HS3ST2: variants seen among roughly 807,000 people sequenced by gnomAD.
HS3ST2 encodes heparan sulfate-glucosamine 3-sulfotransferase 2.
HS3ST2 carries 17 observed loss-of-function variants against 26.3 expected under a neutral mutation model. The ratio of observed to expected loss-of-function variants is 0.65; its 90% confidence interval spans 0.44 to 0.97. HS3ST2 has a LOEUF of 0.97. Among genes scored for constraint, HS3ST2 ranks in the 50% least tolerant of loss-of-function variants. The probability of loss-of-function intolerance (pLI) is 0.00; values close to 1 mark genes in which losing one functional copy is unlikely to be tolerated. For synonymous variants in HS3ST2, 237 were observed against 219.2 expected (o/e 1.08, Z -0.72); for missense variants, 402 against 501.2 (o/e 0.80, Z 1.89).
intron 1 of HS3ST2, among the ~76,000 whole-genome samples, chr16:22,846,015 C>T (rs575201474): frequency 6.6e-5 from 10 of 152,332 alleles, no homozygotes; most frequent in South Asian, 4.1e-4. Context: ...CTGTGGCTTA[C>T]GCCTGTAATC....
chr16:22,850,319 G>A (rs931537824), intron 1 of HS3ST2, among the ~76,000 whole-genome samples: 18 of 152,110 alleles, frequency 1.2e-4, no homozygotes, highest in African/African-American at 4.1e-4. Flanking sequence ...TAATACTCTC[G>A]GTAGGTATAT....
At chr16:22,913,037 C>A (rs1002403162) in intron 1 of HS3ST2, among the ~76,000 whole-genome samples, 6 of 151,714 alleles carry the variant, frequency 4.0e-5, no homozygotes, top group Admixed American at 1.3e-4. Flanking sequence ...AGAAGTATAT[C>A]CCTTCCCTGA....
intron 1 of HS3ST2, among the ~76,000 whole-genome samples, chr16:22,829,003 C>T (rs1316528657): frequency 6.6e-6 from 1 of 152,164 alleles, no homozygotes; most frequent in Non-Finnish European, 1.5e-5. Flanking sequence ...GTACTCAGGT[C>T]AGAGCCACTT....
chr16:22,842,482 G>T (rs1365849299), intron 1 of HS3ST2, among the ~76,000 whole-genome samples: 1 of 151,996 alleles, frequency 6.6e-6, no homozygotes, highest in East Asian at 1.9e-4. Context: ...AGATCTCAAA[G>T]GTATTCCTCT....
At chr16:22,817,131 A>G (rs1003665992) in intron 1 of HS3ST2, among the ~76,000 whole-genome samples, 3 of 151,908 alleles carry the variant, frequency 2.0e-5, no homozygotes, top group African/African-American at 7.2e-5. Flanking sequence ...ATTTTTTTTT[A>G]GCACATTTGG....
At chr16:22,888,864 C>A (rs1294465245) in intron 1 of HS3ST2, among the ~76,000 whole-genome samples, 2 of 152,212 alleles carry the variant, frequency 1.3e-5, no homozygotes, top group Non-Finnish European at 2.9e-5. Flanking sequence ...GGTGCCACTA[C>A]CTCACAGGTT....
chr16:22,847,286 C>T (rs1901448377), intron 1 of HS3ST2, among the ~76,000 whole-genome samples: 1 of 152,138 alleles, frequency 6.6e-6, no homozygotes, highest in Admixed American at 6.5e-5. Context: ...CCGTCAGCTC[C>T]ATCCATGTTC....
chr16:22,904,096 C>T (rs894034802), intron 1 of HS3ST2, among the ~76,000 whole-genome samples: 4 of 152,156 alleles, frequency 2.6e-5, no homozygotes, highest in African/African-American at 9.7e-5. Context: ...ACCTGAATAC[C>T]TGAGGACCTA....
At chr16:22,821,531 A>G (rs1900992187) in intron 1 of HS3ST2, among the ~76,000 whole-genome samples, 1 of 152,022 alleles carries the variant, frequency 6.6e-6, no homozygotes, top group South Asian at 2.1e-4. Context: ...GGCTCAGGGC[A>G]GGTGATAGGG....
At chr16:22,907,983 C>A (rs1016755711) in intron 1 of HS3ST2, among the ~76,000 whole-genome samples, 2 of 152,076 alleles carry the variant, frequency 1.3e-5, no homozygotes, top group African/African-American at 4.8e-5. Flanking sequence ...ACTAAAAATA[C>A]AAAAAATTAG....
chr16:22,839,622 T>G (rs1020311771), intron 1 of HS3ST2, among the ~76,000 whole-genome samples: 2 of 152,182 alleles, frequency 1.3e-5, no homozygotes, highest in African/African-American at 4.8e-5. Context: ...GTATGCTTTT[T>G]TTTTTGTTTT....
In HS3ST2 at chr16:22,858,183, C is replaced by A. The variant is rs116672594; in HGVS notation, c.485+43088C>A. Among the ~76,000 whole-genome samples the A allele has an allele frequency of 9.1e-3, 1,386 of 151,956 alleles. 15 individuals carry two copies. Among genetic ancestry groups the A allele is most frequent in the African/African-American group, 0.031 (1,302 of 41,408 alleles). On this transcript the variant is annotated intron_variant, in intron 1 of 1. Transcript: ENST00000261374. ...AATTAAATTGTACATTAAAAAATAA[C>A]GAAAATTGTATAATTGGATTTTTGT...
intron 1 of HS3ST2, among the ~76,000 whole-genome samples, chr16:22,891,830 G>T (rs1902134152): frequency 6.6e-6 from 1 of 152,134 alleles, no homozygotes; most frequent in Non-Finnish European, 1.5e-5. Context: ...TGAGGTTGTT[G>T]CTATAAGTTG....
rs116995224 is a variant in HS3ST2, at chr16:22,912,426, G to T, written c.486-2518G>T. 8.4e-3 allele frequency among the ~76,000 whole-genome samples: 1,282 copies of T among 152,296 alleles called. 13 individuals carry two copies. The highest frequency in any genetic ancestry group is 0.013 in the Non-Finnish European group (890 of 68,030). ...AAGAACCAGGAGTTGATATTCCAAA[G>T]GATGTGAGAATGAATGTTCTGGGGG... On this transcript the variant is annotated intron_variant, in intron 1 of 1. Transcript: ENST00000261374.
intron 1 of HS3ST2, among the ~76,000 whole-genome samples, chr16:22,888,745 A>G (rs979046697): frequency 3.9e-5 from 6 of 152,146 alleles, no homozygotes; most frequent in Non-Finnish European, 8.8e-5. Context: ...TGGAAACTAT[A>G]TGGTCTGTTG....
At chr16:22,906,650 A>C (rs1902358549) in intron 1 of HS3ST2, among the ~76,000 whole-genome samples, 1 of 152,236 alleles carries the variant, frequency 6.6e-6, no homozygotes, top group South Asian at 2.1e-4. Context: ...GTGGAAGTAG[A>C]GCTTGGACTC....
chr16:22,864,022 T>A (rs1205498514), intron 1 of HS3ST2, among the ~76,000 whole-genome samples: 1 of 152,164 alleles, frequency 6.6e-6, no homozygotes, highest in Non-Finnish European at 1.5e-5. Flanking sequence ...CAAAGTAACA[T>A]ATAAACTTAA....
chr16:22,900,693 G>A (rs1902272186), intron 1 of HS3ST2, among the ~76,000 whole-genome samples: 1 of 152,102 alleles, frequency 6.6e-6, no homozygotes, highest in Non-Finnish European at 1.5e-5. Context: ...GAGGAAGAAA[G>A]AATGTGTTCC....
chr16:22,853,638 A>C (rs576864247), intron 1 of HS3ST2, among the ~76,000 whole-genome samples: 19 of 152,290 alleles, frequency 1.2e-4, no homozygotes, highest in African/African-American at 4.6e-4. Context: ...CAGAGACTTC[A>C]AGATGAGATG....
Sources: allele counts gnomAD v4.1 joint callset (sites outside exome capture counted in the v4.1 genomes callset), GRCh38; gene constraint gnomAD v4.1.1; transcripts MANE v1.5; gene names NCBI Gene and HGNC (gene_info 2026-07-23, HGNC 2026-07-21).